The following ERC2 variants were observed in gnomAD, a reference collection of about 807,000 sequenced individuals.
The protein encoded by ERC2 is ELKS/RAB6-interacting/CAST family member 2, also known as ERC protein 2.
In ERC2, 42 loss-of-function variants were observed where a neutral mutation model predicts 114.8. The ratio of observed to expected loss-of-function variants is 0.37; its 90% CI spans 0.29 to 0.47. The LOEUF is 0.47. Ranked by LOEUF, ERC2 falls within the 20% of genes least tolerant of loss-of-function variation. The pLI is 0.99. For synonymous variants in ERC2, 454 were observed against 425.5 expected, an observed-to-expected ratio of 1.07 and a Z score of -0.82; for missense variants, 939 against 1,150.7, an observed-to-expected ratio of 0.82 and a Z score of 2.66.
chr3:56,132,631 C>T (rs901226432), intron 6 of ERC2, among the ~76,000 whole-genome samples: 39 of 151,758 alleles, frequency 2.6e-4, no homozygotes, highest in South Asian at 2.1e-4. Flanking sequence ...AGCGAGACTC[C>T]GTCTCAAAAA....
intron 1 of ERC2, among the ~76,000 whole-genome samples, chr3:56,446,614 T>C (rs1197261439): frequency 4.5e-5 from 6 of 133,666 alleles, no homozygotes; most frequent in Admixed American, 7.7e-5. Flanking sequence ...TTTTCTTCTT[T>C]TTTTTTTTTT....
intron 4 of ERC2, among the ~76,000 whole-genome samples, chr3:56,169,814 A>C (rs1013341968): frequency 2.2e-5 from 3 of 135,642 alleles, no homozygotes; most frequent in East Asian, 2.0e-4. Flanking sequence ...TTCTTAAAAA[A>C]AAAAAAAAAC....
chr3:55,912,480 T>G (rs1277729105), intron 13 of ERC2, among the ~76,000 whole-genome samples: 2 of 152,240 alleles, frequency 1.3e-5, no homozygotes, highest in African/African-American at 4.8e-5. Flanking sequence ...ATTATTACCC[T>G]ACTGTATGTA....
chr3:55,675,675 GAGA>G (rs2148751312), intron 17 of ERC2, among the ~76,000 whole-genome samples: 1 of 152,200 alleles, frequency 6.6e-6, no homozygotes, highest in East Asian at 1.9e-4. Context: ...AGAGGCCTCT[GAGA>G]AGTATCTATT....
At chr3:55,572,442 A>G (rs978068163) in intron 17 of ERC2, among the ~76,000 whole-genome samples, 7 of 152,244 alleles carry the variant, frequency 4.6e-5, no homozygotes, top group Admixed American at 3.9e-4. Context: ...AACAAAAAGA[A>G]GGAGCTGAAG....
chr3:56,393,448 T>A (rs1456536091), intron 2 of ERC2, among the ~76,000 whole-genome samples: 2 of 152,270 alleles, frequency 1.3e-5, no homozygotes, highest in Non-Finnish European at 1.5e-5. Context: ...CTTCACTGTA[T>A]CCTACACAGG....
At chr3:55,973,814 G>A (rs1361152293) in intron 12 of ERC2, among the ~76,000 whole-genome samples, 1 of 152,048 alleles carries the variant, frequency 6.6e-6, no homozygotes, top group Non-Finnish European at 1.5e-5. Context: ...AAAATACAGA[G>A]GTAATATAGG....
At chr3:55,972,299 G>A (rs1027811463) in intron 12 of ERC2, among the ~76,000 whole-genome samples, 1 of 152,202 alleles carries the variant, frequency 6.6e-6, no homozygotes, top group Non-Finnish European at 1.5e-5. Flanking sequence ...TGGGATACAT[G>A]TGCAGAACGT....
intron 7 of ERC2, among the ~76,000 whole-genome samples, chr3:56,060,814 C>T (rs1182858461): frequency 6.6e-6 from 1 of 152,200 alleles, no homozygotes; most frequent in Admixed American, 6.5e-5. Flanking sequence ...GGGTCTCCCC[C>T]TCTTCTGCCC....
intron 14 of ERC2, among the ~76,000 whole-genome samples, chr3:55,861,883 T>C (rs1344582789): frequency 6.6e-6 from 1 of 152,192 alleles, no homozygotes; most frequent in African/African-American, 2.4e-5. Flanking sequence ...ATCAGGTTGT[T>C]CCAAAGAATT....
intron 17 of ERC2, among the ~76,000 whole-genome samples, chr3:55,587,158 T>TTTTC (rs551860518): frequency 3.5e-4 from 54 of 152,196 alleles, no homozygotes; most frequent in East Asian, 2.5e-3. Context: ...TTCCTTTTTC[T>TTTTC]TTTCTTTCTT....
chr3:55,526,519 C>T (rs1056395625), intron 17 of ERC2, among the ~76,000 whole-genome samples: 3 of 152,160 alleles, frequency 2.0e-5, no homozygotes, highest in Admixed American at 6.5e-5. Context: ...AGGCCCGCGT[C>T]GTGGCTCTCC....
chr3:55,876,667 C>T (rs2062863747), intron 14 of ERC2, among the ~76,000 whole-genome samples: 1 of 152,208 alleles, frequency 6.6e-6, no homozygotes, highest in African/African-American at 2.4e-5. Flanking sequence ...GCTGGGCACA[C>T]TGTGGACCAG....
intron 2 of ERC2, among the ~76,000 whole-genome samples, chr3:56,322,170 G>A (rs1005837247): frequency 3.3e-5 from 5 of 152,210 alleles, no homozygotes; most frequent in Non-Finnish European, 7.3e-5. Context: ...GATGAGCTAT[G>A]TATAAACTGT....
At chr3:56,294,114 T>C (rs1239504530) in intron 3 of ERC2, among the ~76,000 whole-genome samples, 1 of 152,264 alleles carries the variant, frequency 6.6e-6, no homozygotes, top group Non-Finnish European at 1.5e-5. Flanking sequence ...ACAGTTAGTC[T>C]ACATGCAAGT....
intron 15 of ERC2, among the ~76,000 whole-genome samples, chr3:55,725,666 T>G (rs1286715414): frequency 6.6e-6 from 1 of 152,126 alleles, no homozygotes; most frequent in Non-Finnish European, 1.5e-5. Context: ...TTTAGGGAGA[T>G]GAACTAAAAT....
intron 15 of ERC2, among the ~76,000 whole-genome samples, chr3:55,727,514 T>C (rs1270549000): frequency 1.3e-5 from 2 of 152,222 alleles, no homozygotes; most frequent in Non-Finnish European, 2.9e-5. Flanking sequence ...TTTACCTTTA[T>C]ACCATGCTCA....
At chr3:55,706,534 T>C (rs1302849379) in intron 15 of ERC2, among the ~76,000 whole-genome samples, 1 of 152,076 alleles carries the variant, frequency 6.6e-6, no homozygotes, top group Non-Finnish European at 1.5e-5. Flanking sequence ...GTAGCTGGGA[T>C]TCCAGGTGCC....
chr3:56,127,943 C>T (rs945978482), intron 6 of ERC2, among the ~76,000 whole-genome samples: 6 of 152,162 alleles, frequency 3.9e-5, no homozygotes, highest in Middle Eastern at 3.4e-3. Context: ...TAGACCCTAT[C>T]TCTCACCATA....
Sources: allele counts gnomAD v4.1 joint callset (sites outside exome capture counted in the v4.1 genomes callset), GRCh38; gene constraint gnomAD v4.1.1; transcripts MANE v1.5; gene names NCBI Gene and HGNC (gene_info 2026-07-23, HGNC 2026-07-21).